Variants in LRP3 observed in about 807,000 individuals in gnomAD.
LRP3 encodes the protein low-density lipoprotein receptor-related protein 3.
Under a neutral mutation model 58.5 loss-of-function variants are expected in LRP3, and 49 were observed. The ratio of observed to expected loss-of-function variants is 0.84; its 90% CI spans 0.67 to 1.06. The LOEUF is 1.06. Ranked by LOEUF, LRP3 falls within the 50% of genes least tolerant of loss-of-function variation. The probability of loss-of-function intolerance (pLI) is 0.00; values close to 1 mark genes in which losing one functional copy is unlikely to be tolerated. For missense variants in LRP3, 1,019 were observed against 1,134.2 expected (o/e 0.90, Z 1.46); for synonymous variants, 485 against 492.2 (o/e 0.99, Z 0.20).
At chr19:33,201,323 G>T (rs942475529) in intron 2 of LRP3, among the ~76,000 whole-genome samples, 2 of 152,216 alleles carry the variant, frequency 1.3e-5, no homozygotes, top group Non-Finnish European at 2.9e-5. Flanking sequence ...CCGTGAATGG[G>T]ATAAGAAGGT....
Position 33,207,257 on chromosome 19 carries a change from C to T in LRP3, c.1995C>T (p.Asp665=), listed in dbSNP as rs1276216376. 2 of 1,553,026 alleles carry T rather than the reference C, an allele frequency of 1.3e-6. No homozygotes were observed. The highest frequency in any genetic ancestry group is 1.2e-5 in the South Asian group (1 of 83,942). The change falls in exon 7 of 7, where the codon GAC becomes GAT. Residue 665 remains aspartate (D), a synonymous_variant. Transcript: ENST00000253193. The stretch of plus-strand genomic sequence containing the variant: ...CAGGCAGCACCAGGGCGGCCGGAGA[C>T]AGGCCCCCCAGTGCCCCCGGCCGTG... ...MDTGSTRAAG[D]RPPSAPGRAP...
At chr19:33,200,348 C>T (rs768057305) in intron 2 of LRP3, among the ~76,000 whole-genome samples, 6 of 152,186 alleles carry the variant, frequency 3.9e-5, no homozygotes, top group Admixed American at 2.0e-4. Flanking sequence ...TCTCCTGCCT[C>T]GGCCTCCTGA....
intron 3 of LRP3, 27 bp downstream of exon 3, chr19:33,203,013 G>C: frequency 1.2e-6 from 2 of 1,609,058 alleles, no homozygotes; most frequent in Middle Eastern, 1.7e-4. Context: ...GTGTCGGAAG[G>C]AATCAATGTG....
In LRP3 at chr19:33,208,781, T is replaced by TA. The variant is rs1974463525; in HGVS notation, c.*1206_*1207insA. ...CTTAAACAGGCTTCTGAGAGTCGTA[T>TA]CTTTTTTCTTTTTTTTCCAGAAAAA... On this transcript the variant is annotated 3_prime_UTR_variant, in exon 7 of 7. Transcript: ENST00000253193. The surrounding 1 kb of genome is among the most constrained non-coding windows in gnomAD (Gnocchi z 4.7). 1 of 1,460,614 alleles carries TA rather than the reference T, an allele frequency of 6.8e-7. No individual in the cohort carries two copies. The highest frequency in any genetic ancestry group is 9.5e-7 in the Non-Finnish European group (1 of 1,057,802). The allele number at this position is 1,460,614 out of a possible 1,614,324, so 90.5% of individuals were successfully genotyped here.
Position 33,205,285 on chromosome 19 carries a change from G to T in LRP3, c.515G>T (p.Arg172Leu), listed in dbSNP as rs1232727143. 8.1e-6 allele frequency: 13 copies of T among 1,610,506 alleles called. No homozygotes were observed. The South Asian group carries it at 1.4e-4, about 18-fold the overall frequency. Residue 172 changes from arginine (R) to leucine (L), a missense_variant, in exon 5 of 7, where the codon CGC (arginine) becomes CTC (leucine). Physicochemically the swap from Arg to Leu is moderately radical, Grantham distance 102 (BLOSUM62 -2). Coordinates refer to ENST00000253193, the MANE Select transcript of LRP3 (RefSeq NM_002333.4). ...GQASCQADEF[R>L]CDNGKCLPGP... Reference sequence around the variant, plus strand: ...GCATCCTGCCAGGCAGATGAGTTCCGCTGTGACAACGGCAAGTGCCTGCCC... The same window carrying T: ...GCATCCTGCCAGGCAGATGAGTTCCTCTGTGACAACGGCAAGTGCCTGCCC...
In LRP3 at chr19:33,205,590, G is replaced by A. The variant is rs759528064; in HGVS notation, c.820G>A (p.Ala274Thr). The A allele has an allele frequency of 5.3e-5, 86 of 1,609,836 alleles. 1 individual carries two copies. The highest frequency in any genetic ancestry group is 2.2e-4 in the Admixed American group (13 of 59,934). The change falls in exon 5 of 7, where the codon GCT (alanine) becomes ACT (threonine). Residue 274 changes from alanine (A) to threonine (T), a missense_variant. Coordinates refer to ENST00000253193, the MANE Select transcript of LRP3 (RefSeq NM_002333.4). Reference protein sequence around the residue: ...SFASPDLFGAARGPSDLHCTW... With the variant: ...SFASPDLFGATRGPSDLHCTW... ...TGCCTCCCCAGACCTGTTCGGCGCC[G>A]CTCGCGGGCCCTCAGACCTTCACTG...
rs1974381081 is a variant in LRP3, at chr19:33,204,740, C to G, written c.363C>G (p.Gly121=). The part of the protein sequence containing the change: ...PPRQEAFRLC[G]SAIPPAFISA... ...GCCAGGAGGCCTTCCGCCTCTGTGG[C>G]TCCGCCATCCCACCTGCCTTCATCT... The change falls in exon 4 of 7, where the codon GGC becomes GGG. Residue 121 remains glycine (G), a synonymous_variant. Transcript: ENST00000253193. The G allele has an allele frequency of 3.1e-6, 5 of 1,612,332 alleles. No homozygotes were observed. The highest frequency in any genetic ancestry group is 4.2e-6 in the Non-Finnish European group (5 of 1,179,974).
At position 33,202,879 on chromosome 19, in the gene LRP3, G is replaced by C. The variant is rs1056034; in HGVS notation, c.153G>C (p.Thr51=). The C allele has an allele frequency of 2.5e-6, 4 of 1,610,338 alleles. No individual in the cohort carries two copies. In the African/African-American group the frequency reaches 5.3e-5, roughly 22 times the overall value. The change falls in exon 3 of 7, where the codon ACG becomes ACC. Residue 51 remains threonine, a synonymous_variant. Transcript: ENST00000253193. ...AACSGKLEQH[T]ERRGVIYSPA... Reference sequence around the variant, plus strand: ...GCAGTGGGAAGCTGGAGCAGCACACGGAGCGGCGTGGGGTCATCTACAGCC... The same window carrying C: ...GCAGTGGGAAGCTGGAGCAGCACACCGAGCGGCGTGGGGTCATCTACAGCC...
chr19:33,205,331 G>A lies in LRP3; in HGVS notation c.561G>A (p.Thr187=), dbSNP rs148521095. ...TGCCCGGCCCGTGGCAGTGCAACAC[G>A]GTGGACGAGTGTGGAGACGGCTCTG... ...KCLPGPWQCN[T]VDECGDGSDE... The change falls in exon 5 of 7, where the codon ACG becomes ACA. Residue 187 remains threonine (T), a synonymous_variant. Transcript: ENST00000253193. 26 of 1,611,188 alleles carry A rather than the reference G, an allele frequency of 1.6e-5. No individual in the cohort carries two copies. Among genetic ancestry groups the A allele is most frequent in the Middle Eastern group, 1.6e-4 (1 of 6,078 alleles).
chr19:33,197,273 C>T (rs750846498), intron 2 of LRP3, among the ~76,000 whole-genome samples: 1 of 152,094 alleles, frequency 6.6e-6, no homozygotes, highest in Admixed American at 6.6e-5. Flanking sequence ...TAGATTTGGA[C>T]AAGCAGGAGC....
Position 33,207,552 on chromosome 19 carries a change from G to C in LRP3, c.2290G>C (p.Asp764His), listed in dbSNP as rs966454002. 1.2e-6 allele frequency: 2 copies of C among 1,604,452 alleles called. No individual in the cohort carries two copies. Among genetic ancestry groups the C allele is most frequent in the African/African-American group, 2.7e-5 (2 of 74,938 alleles). The change falls in exon 7 of 7, where the codon GAT (aspartate) becomes CAT (histidine). Residue 764 changes from aspartate (D) to histidine (H), a missense_variant. Asp to His is a moderately conservative substitution (Grantham distance 81). This residue lies in a region of LRP3 where 427 missense variants were observed against 408.6 expected (regional missense o/e 1.04). Transcript: ENST00000253193. ...PCSPMLEASD[D>H]EALLVC ...CTCCCCAATGCTGGAGGCCAGCGAT[G>C]ATGAGGCCCTGTTGGTCTGTTGACC...
In LRP3 at chr19:33,207,088, AC is replaced by A. The variant is rs1329387776; in HGVS notation, c.1828del (p.Arg610GlyfsTer16). On this transcript the variant is annotated frameshift_variant, in exon 7 of 7. Transcript: ENST00000253193. LOFTEE classifies it low-confidence loss of function (END_TRUNC). ...CGCCGCCGCCTCGGCCGCCTCTGGA[AC>A]CGGCTCTTTCACCGGCCGCGGGCGC... ...PSRRRLGRLWNRLFHRPRAPR... is the reference protein window; with the variant it reads ...PSRRRLGRLWXRLFHRPRAPR... The A allele has an allele frequency of 6.6e-7, 1 of 1,523,834 alleles. No individual in the cohort carries two copies. Among genetic ancestry groups the A allele is most frequent in the Non-Finnish European group, 8.8e-7 (1 of 1,139,806 alleles). The allele number at this position is 1,523,834 out of a possible 1,614,324, so 94.4% of individuals were successfully genotyped here. A position where few individuals can be genotyped will look rare whatever the true frequency, so the allele number is the denominator to read the frequency against.
intron 2 of LRP3, among the ~76,000 whole-genome samples, chr19:33,199,641 T>G (rs1189337638): frequency 2.6e-5 from 4 of 152,152 alleles, no homozygotes; most frequent in African/African-American, 4.8e-5. Flanking sequence ...TAACCAAGTT[T>G]CCCTGATGTG....
intron 2 of LRP3, among the ~76,000 whole-genome samples, chr19:33,199,294 C>T (rs547294038): frequency 2.6e-4 from 40 of 152,210 alleles, no homozygotes; most frequent in African/African-American, 7.9e-4. Flanking sequence ...ACCACATGCA[C>T]GTCTGCCTCA....
chr19:33,206,785 C>G (rs563607471), intron 6 of LRP3, 52 bp downstream of exon 6: 4 of 1,483,520 alleles, frequency 2.7e-6, no homozygotes, highest in Non-Finnish European at 3.6e-6. Flanking sequence ...GGACAGTGTG[C>G]GGAGGAGGCT....
Position 33,204,683 on chromosome 19 carries a change from C to A in LRP3, c.306C>A (p.Asp102Glu). 1 of 1,608,964 alleles carries A rather than the reference C, an allele frequency of 6.2e-7. No homozygotes were observed. Among genetic ancestry groups the A allele is most frequent in the Non-Finnish European group, 8.5e-7 (1 of 1,179,894 alleles). ...AGGAGTCCCACCAGTGCTCCCTGGA[C>A]TGGCTCCTGCTGGGCCCAGCAGCCC... ...DVEESHQCSL[D>E]WLLLGPAAPP... is the part of the protein sequence containing the mutation. Residue 102 changes from aspartate (D) to glutamate (E), a missense_variant, in exon 4 of 7, where the codon GAC (aspartate) becomes GAA (glutamate). Asp to Glu is a conservative substitution (Grantham distance 45, BLOSUM62 2). Around this residue, in one of 2 missense-constraint regions of LRP3, gnomAD observed 592 missense variants for 725.5 expected, o/e 0.82. Coordinates refer to ENST00000253193, the MANE Select transcript of LRP3 (RefSeq NM_002333.4).
At chr19:33,204,137 G>A (rs944329099) in intron 3 of LRP3, 12 of 164,156 alleles carry the variant, frequency 7.3e-5, no homozygotes, top group Non-Finnish European at 1.5e-4. Flanking sequence ...GTGTATCTCC[G>A]GAGATGACAA....
In LRP3 at chr19:33,208,432, T is replaced by G. The variant is rs1974455067; in HGVS notation, c.*857T>G. 1 of 218,512 alleles carries G rather than the reference T, an allele frequency of 4.6e-6. No homozygotes were observed. Among genetic ancestry groups the G allele is most frequent in the Admixed American group, 5.2e-5 (1 of 19,074 alleles). 13.5% of individuals were successfully genotyped at this position (218,512 alleles called of 1,614,324 possible). ...GAGCTCAGACTGGCATCGAGGGGCC[T>G]GGGGTAGGGGCGGACTGAGCTGCTA... On this transcript the variant is annotated 3_prime_UTR_variant, in exon 7 of 7. Transcript: ENST00000253193. The surrounding 1 kb of genome is among the most constrained non-coding windows in gnomAD (Gnocchi z 4.7).
intron 2 of LRP3, 64 bp from the exon 3 acceptor site, chr19:33,202,784 C>T (rs1182769276): frequency 3.3e-6 from 5 of 1,509,818 alleles, no homozygotes; most frequent in East Asian, 2.4e-5. Context: ...GCCCCCTTCC[C>T]CCCACTGCAA....
Sources: gnomAD v4.1 joint callset for allele counts (sites outside exome capture counted in the v4.1 genomes callset) on GRCh38, gnomAD v4.1.1 for gene constraint, gnomAD v4.1.1 regional missense constraint, Gnocchi (gnomAD v3.1) non-coding constraint, MANE v1.5 for transcripts, NCBI Gene and HGNC (gene_info 2026-07-23, HGNC 2026-07-21) for gene names.